The following RAB27B variants were observed in gnomAD, a reference collection of about 807,000 sequenced individuals.
The protein encoded by RAB27B is RAB27B, member RAS oncogene family, also known as ras-related protein Rab-27B.
RAB27B carries 15 observed loss-of-function variants against 24.6 expected under a neutral mutation model. The ratio of observed to expected loss-of-function variants is 0.61; its 90% CI spans 0.41 to 0.94. The LOEUF (loss-of-function observed/expected upper bound fraction) is 0.94, where lower values mean the gene tolerates loss of function less well. Among genes scored for constraint, RAB27B ranks in the 40% least tolerant of loss-of-function variants. The pLI is 0.00. For synonymous variants in RAB27B, 105 were observed against 92.5 expected (o/e 1.14, Z -0.78); for missense variants, 261 against 266.8 (o/e 0.98, Z 0.15).
chr18:54,771,508 T>C (rs756713171), intron 2 of RAB27B, among the ~76,000 whole-genome samples: 55 of 151,864 alleles, frequency 3.6e-4, no homozygotes, highest in Non-Finnish European at 7.1e-4. Flanking sequence ...TAATAATAGA[T>C]GGCAATTTGG....
chr18:54,838,276 G>T (rs999193381), intron 1 of RAB27B, among the ~76,000 whole-genome samples: 7 of 150,918 alleles, frequency 4.6e-5, no homozygotes, highest in African/African-American at 1.7e-4. Flanking sequence ...GCAAAATATT[G>T]TCAAGAAATT....
At chr18:54,804,763 A>G (rs11877714) in intron 2 of RAB27B, among the ~76,000 whole-genome samples, 33,295 of 152,072 alleles carry the variant, frequency 0.22, 4,121 homozygotes, top group African/African-American at 0.33. Context: ...TGAATGGGAA[A>G]TGGGATCTCT....
intron 1 of RAB27B, among the ~76,000 whole-genome samples, chr18:54,865,912 T>C (rs1006520419): frequency 6.6e-6 from 1 of 152,128 alleles, no homozygotes; most frequent in Non-Finnish European, 1.5e-5. Flanking sequence ...AAACTGGAAT[T>C]TATAGGTTGG....
intron 2 of RAB27B, chr18:54,718,233 A>T (rs1909250815): frequency 6.6e-6 from 1 of 151,922 alleles, no homozygotes; most frequent in Non-Finnish European, 1.5e-5. Flanking sequence ...CCAATGTGAG[A>T]TGCCATCTGC....
At chr18:54,850,879 A>G (rs1911559057) in intron 1 of RAB27B, among the ~76,000 whole-genome samples, 1 of 151,768 alleles carries the variant, frequency 6.6e-6, no homozygotes, top group Admixed American at 6.6e-5. Flanking sequence ...GTTGTGTTGT[A>G]TTTAAAAGAA....
At chr18:54,858,739 T>G (rs1323700713) in intron 1 of RAB27B, among the ~76,000 whole-genome samples, 1 of 152,072 alleles carries the variant, frequency 6.6e-6, no homozygotes, top group African/African-American at 2.4e-5. Flanking sequence ...CTGCTTGCAG[T>G]TTAGGTTATT....
chr18:54,721,203 A>G (rs1182269408), intron 2 of RAB27B, among the ~76,000 whole-genome samples: 1 of 152,154 alleles, frequency 6.6e-6, no homozygotes, highest in East Asian at 1.9e-4. Flanking sequence ...TTTGAGTGTA[A>G]AGGACACATA....
intron 1 of RAB27B, among the ~76,000 whole-genome samples, chr18:54,840,540 T>C (rs1156588760): frequency 6.6e-6 from 1 of 152,220 alleles, no homozygotes; most frequent in African/African-American, 2.4e-5. Flanking sequence ...CCCAAGTGGA[T>C]GGCAGTGCTA....
rs370651171 is a variant in RAB27B, at chr18:54,877,493, A to G, written c.-19-74A>G. ...CTTTTTAACCCTGAAAATTAAATTT[A>G]TGTCATATTTTGATATAAAGCAAAG... On this transcript the variant is annotated intron_variant, in intron 1 of 5. Transcript: ENST00000262094. 2.9e-3 allele frequency: 3,343 copies of G among 1,165,694 alleles called. 15 individuals carry two copies. Among genetic ancestry groups the G allele is most frequent in the Middle Eastern group, 0.02 (82 of 4,098 alleles). 72.2% of individuals were successfully genotyped at this position (1,165,694 alleles called of 1,614,324 possible).
chr18:54,823,429 A>G (rs1398535761), intron 2 of RAB27B, among the ~76,000 whole-genome samples: 2 of 152,224 alleles, frequency 1.3e-5, no homozygotes, highest in African/African-American at 4.8e-5. Flanking sequence ...GGTCAAGTCA[A>G]GAGAAATTTT....
chr18:54,850,696 G>A lies in RAB27B; in HGVS notation c.-20+21996G>A, dbSNP rs542675461. ...ATGTATTTTTTTGCCAGTGTGTCAT[G>A]TTTCATAGCTCGGTGACTGATGAAG... On this transcript the variant is annotated intron_variant, in intron 1 of 5. Transcript: ENST00000262094. Among the ~76,000 whole-genome samples, 4 of 151,360 alleles carry A rather than the reference G, an allele frequency of 2.6e-5. No individual in the cohort carries two copies. The East Asian group carries it at 7.8e-4, about 29-fold the overall frequency.
At chr18:54,787,443 C>A (rs1432889567) in intron 2 of RAB27B, among the ~76,000 whole-genome samples, 1 of 152,154 alleles carries the variant, frequency 6.6e-6, no homozygotes, top group Non-Finnish European at 1.5e-5. Context: ...CAAGAGACAT[C>A]TTTACTGCCC....
chr18:54,809,815 G>C (rs1598920993), intron 2 of RAB27B, among the ~76,000 whole-genome samples: 1 of 152,112 alleles, frequency 6.6e-6, no homozygotes, highest in East Asian at 1.9e-4. Context: ...CCTACATTAA[G>C]ATTAATTTCT....
intron 2 of RAB27B, among the ~76,000 whole-genome samples, chr18:54,815,550 C>T (rs1910095445): frequency 6.6e-6 from 1 of 152,196 alleles, no homozygotes; most frequent in South Asian, 2.1e-4. Context: ...CTATCAATTC[C>T]TTACTCTAAA....
chr18:54,764,108 G>A (rs138969136), intron 2 of RAB27B, among the ~76,000 whole-genome samples: 92 of 152,146 alleles, frequency 6.0e-4, no homozygotes, highest in African/African-American at 2.1e-3. Context: ...TTTATTTACT[G>A]CAGCTTGTTT....
intron 2 of RAB27B, 51 bp from the exon 3 acceptor site, chr18:54,879,318 G>A: frequency 7.2e-7 from 1 of 1,397,532 alleles, no homozygotes; most frequent in Non-Finnish European, 1.0e-6. Flanking sequence ...AAGAATTTGA[G>A]TGCTGACAAA....
chr18:54,819,603 A>G (rs1910236446), intron 2 of RAB27B, among the ~76,000 whole-genome samples: 1 of 150,246 alleles, frequency 6.7e-6, no homozygotes, highest in East Asian at 1.9e-4. Flanking sequence ...TTTATTTTTT[A>G]TTTATTTTTT....
At chr18:54,835,218 G>A (rs1910848171) in intron 1 of RAB27B, among the ~76,000 whole-genome samples, 1 of 151,860 alleles carries the variant, frequency 6.6e-6, no homozygotes, top group Non-Finnish European at 1.5e-5. Context: ...CTTTGAAAAA[G>A]TAGACACGTT....
At chr18:54,872,327 A>C (rs994807553) in intron 1 of RAB27B, among the ~76,000 whole-genome samples, 1 of 152,174 alleles carries the variant, frequency 6.6e-6, no homozygotes, top group African/African-American at 2.4e-5. Context: ...AACTTAAGAT[A>C]GAAAAATGAG....
Sources: allele counts gnomAD v4.1 joint callset (sites outside exome capture counted in the v4.1 genomes callset), GRCh38; gene constraint gnomAD v4.1.1; transcripts MANE v1.5; gene names NCBI Gene and HGNC (gene_info 2026-07-23, HGNC 2026-07-21).